The following OR14I1 variants were observed in gnomAD, a reference collection of about 807,000 sequenced individuals.
OR14I1 encodes the protein olfactory receptor 14I1.
For missense variants in OR14I1, 279 were observed against 181.8 expected, an observed-to-expected ratio of 1.53 and a Z score of -3.07; for synonymous variants, 118 against 71.1, an observed-to-expected ratio of 1.66 and a Z score of -3.32.
chr1:248,690,573 C>A, the OR14I1 span, among the ~76,000 whole-genome samples: 2 of 110,032 alleles, frequency 1.8e-5, no homozygotes, highest in Non-Finnish European at 3.4e-5. Flanking sequence ...GTTCTGAAAT[C>A]CAGGCAGTAA....
chr1:248,698,274 G>A, the OR14I1 span, among the ~76,000 whole-genome samples: 1 of 152,240 alleles, frequency 6.6e-6, no homozygotes, highest in African/African-American at 2.4e-5. Flanking sequence ...TGCAGAAGAA[G>A]TAAGATGAAA....
downstream of OR14I1, among the ~76,000 whole-genome samples, chr1:248,679,070 A>G (rs28372571): frequency 0.82 from 125,127 of 152,174 alleles, 52,985 homozygotes; most frequent in South Asian, 0.95. Flanking sequence ...CATGTAGGTG[A>G]GCAGCTACTC....
exon 1 of OR14I1, chr1:248,682,224 C>T (rs1218532854): frequency 3.8e-6 from 3 of 780,382 alleles, no homozygotes; most frequent in Admixed American, 1.7e-5. Context: ...GCAGAAACAG[C>T]CCGGCGTGCA....
At chr1:248,685,591 C>G (rs1278061639), upstream of OR14I1, among the ~76,000 whole-genome samples, 2 of 152,058 alleles carry the variant, frequency 1.3e-5, no homozygotes, top group African/African-American at 2.4e-5. Context: ...AATAATAATG[C>G]TCTTTCCTTG....
At chr1:248,695,645 C>T in the OR14I1 span, among the ~76,000 whole-genome samples, 1 of 152,076 alleles carries the variant, frequency 6.6e-6, no homozygotes, top group African/African-American at 2.4e-5. Flanking sequence ...GGTGGAGAGG[C>T]ATGTGGGCGT....
chr1:248,695,036 T>A, the OR14I1 span, among the ~76,000 whole-genome samples: 1 of 152,010 alleles, frequency 6.6e-6, no homozygotes, highest in African/African-American at 2.4e-5. Context: ...TTGGACAGAG[T>A]AGCTTCAGAG....
the OR14I1 span, among the ~76,000 whole-genome samples, chr1:248,690,772 C>T: frequency 1.4e-5 from 2 of 143,310 alleles, no homozygotes; most frequent in Admixed American, 7.0e-5. Flanking sequence ...GGCAGAGACA[C>T]AACCAAAAAA....
upstream of OR14I1, among the ~76,000 whole-genome samples, chr1:248,683,643 A>G (rs1661598188): frequency 6.6e-6 from 1 of 152,264 alleles, no homozygotes; most frequent in Non-Finnish European, 1.5e-5. Flanking sequence ...CCTATGTTTA[A>G]TGAAAAAATT....
chr1:248,686,215 C>T (rs1247642176), upstream of OR14I1, among the ~76,000 whole-genome samples: 1 of 152,054 alleles, frequency 6.6e-6, no homozygotes, highest in African/African-American at 2.4e-5. Flanking sequence ...TTAAAAGAGA[C>T]CTGAATTCTT....
the OR14I1 span, among the ~76,000 whole-genome samples, chr1:248,699,783 G>A: frequency 2.9e-4 from 44 of 152,128 alleles, no homozygotes; most frequent in Admixed American, 3.9e-4. Flanking sequence ...TTTTGAGACA[G>A]AGTCTCGCTC....
chr1:248,689,603 G>A, the OR14I1 span, among the ~76,000 whole-genome samples: 6 of 151,958 alleles, frequency 3.9e-5, no homozygotes, highest in Admixed American at 2.0e-4. Flanking sequence ...CTTGTTCCGG[G>A]GGGCCACTGG....
At chr1:248,684,757 C>CATATATATATATATATATACATATAT (rs1661616675), upstream of OR14I1, among the ~76,000 whole-genome samples, 1 of 145,064 alleles carries the variant, frequency 6.9e-6, no homozygotes, top group African/African-American at 2.6e-5. Flanking sequence ...CACACACATA[C>CATATATATATATATATATACATATAT]ATATATATAT....
the OR14I1 span, among the ~76,000 whole-genome samples, chr1:248,697,488 A>T: frequency 6.6e-5 from 10 of 151,792 alleles, no homozygotes; most frequent in Non-Finnish European, 1.2e-4. Flanking sequence ...AAAAAAAAAA[A>T]AAAAAAAAAA....
the OR14I1 span, among the ~76,000 whole-genome samples, chr1:248,691,012 T>C: frequency 6.6e-6 from 1 of 152,252 alleles, no homozygotes; most frequent in Non-Finnish European, 1.5e-5. Context: ...TCTCAATAGA[T>C]GCAGAAAAGG....
At chr1:248,684,250 T>A (rs1358112921), upstream of OR14I1, among the ~76,000 whole-genome samples, 1 of 152,244 alleles carries the variant, frequency 6.6e-6, no homozygotes, top group African/African-American at 2.4e-5. Flanking sequence ...CTTTACTAGT[T>A]ATGGAAATGC....
chr1:248,701,665 A>G, the OR14I1 span, among the ~76,000 whole-genome samples: 3 of 152,208 alleles, frequency 2.0e-5, no homozygotes, highest in African/African-American at 4.8e-5. Context: ...TTTAGTTTTG[A>G]AATTGATACG....
chr1:248,685,391 A>G (rs149751290), upstream of OR14I1, among the ~76,000 whole-genome samples: 74 of 152,164 alleles, frequency 4.9e-4, no homozygotes, highest in Non-Finnish European at 1.0e-3. Flanking sequence ...TATTTAAAAT[A>G]TCTCAACCAA....
the OR14I1 span, chr1:248,691,922 TC>T: frequency 1.5e-4 from 1 of 6,784 alleles, no homozygotes; most frequent in Non-Finnish European, 7.5e-4. Flanking sequence ...CCTACAAGTC[TC>T]TAGGCTAGGC....
At chr1:248,681,634 A>C in exon 1 of OR14I1, 1 of 781,064 alleles carries the variant, frequency 1.3e-6, no homozygotes, top group Non-Finnish European at 2.4e-6. Flanking sequence ...AGGGATTCTG[A>C]GCACCGTTGA....
Sources: gnomAD v4.1 joint callset for allele counts (sites outside exome capture counted in the v4.1 genomes callset) on GRCh38, gnomAD v4.1.1 for gene constraint, MANE v1.5 for transcripts, NCBI Gene and HGNC (gene_info 2026-07-23, HGNC 2026-07-21) for gene names.